The following KCNT2 variants were observed in gnomAD, a reference collection of about 807,000 sequenced individuals.
KCNT2 encodes the protein potassium sodium-activated channel subfamily T member 2.
A neutral mutation model predicts 153.8 loss-of-function variants in KCNT2; 67 were observed. That is an observed-to-expected ratio of 0.44 (90% CI 0.36 to 0.53). The LOEUF (loss-of-function observed/expected upper bound fraction) is 0.53, where lower values mean the gene tolerates loss of function less well. Among genes scored for constraint, KCNT2 ranks in the 20% least tolerant of loss-of-function variants. KCNT2 has a pLI of 0.00. For synonymous variants in KCNT2, 500 were observed against 458.8 expected, an observed-to-expected ratio of 1.09 and a Z score of -1.15; for missense variants, 975 against 1,354.8, an observed-to-expected ratio of 0.72 and a Z score of 4.40.
intron 8 of KCNT2, among the ~76,000 whole-genome samples, chr1:196,439,908 A>G (rs756346958): frequency 6.6e-5 from 10 of 151,692 alleles, no homozygotes; most frequent in Non-Finnish European, 1.3e-4. Flanking sequence ...GGTCAAGGGG[A>G]GGGAGCGCAT....
chr1:196,536,817 C>T (rs772060048), intron 1 of KCNT2, among the ~76,000 whole-genome samples: 6 of 152,076 alleles, frequency 3.9e-5, no homozygotes, highest in Admixed American at 2.6e-4. Context: ...TTTCCCAGTC[C>T]GAGGGACTGT....
chr1:196,550,905 T>G (rs941903702), intron 1 of KCNT2, among the ~76,000 whole-genome samples: 2 of 151,834 alleles, frequency 1.3e-5, no homozygotes, highest in Non-Finnish European at 2.9e-5. Flanking sequence ...GAGATTACAT[T>G]CCTGAAAATT....
Position 196,577,679 on chromosome 1 carries a change from G to A in KCNT2, c.95+30536C>T, listed in dbSNP as rs113748835. On this transcript the variant is annotated intron_variant, in intron 1 of 27. Coordinates refer to ENST00000294725, the MANE Select transcript of KCNT2 (RefSeq NM_198503.5). ...CTAACCTAGAAAACCTCAAGATTCC[G>A]AGAGCACTGGTTAGAGTCCTCACAA... is the stretch of plus-strand genomic sequence containing the variant. Among the ~76,000 whole-genome samples the A allele has an allele frequency of 7.1e-3, 1,083 of 152,206 alleles. 11 individuals carry two copies. Among genetic ancestry groups the A allele is most frequent in the African/African-American group, 0.023 (940 of 41,518 alleles).
intron 25 of KCNT2, among the ~76,000 whole-genome samples, chr1:196,271,534 T>C (rs992840357): frequency 3.3e-5 from 5 of 152,122 alleles, no homozygotes; most frequent in Non-Finnish European, 7.4e-5. Context: ...GAAACTCTTA[T>C]TAAGTTAAAG....
intron 13 of KCNT2, among the ~76,000 whole-genome samples, chr1:196,374,611 C>T (rs891435922): frequency 4.6e-5 from 7 of 151,580 alleles, no homozygotes; most frequent in Admixed American, 1.3e-4. Context: ...TATTGCTTTG[C>T]AGGAAAGGCA....
At chr1:196,249,846 A>G (rs532826960) in intron 26 of KCNT2, among the ~76,000 whole-genome samples, 8 of 152,208 alleles carry the variant, frequency 5.3e-5, no homozygotes, top group African/African-American at 1.9e-4. Flanking sequence ...AGGTAATCCC[A>G]TTTACAATAG....
chr1:196,544,834 C>A (rs1198394676), intron 1 of KCNT2, among the ~76,000 whole-genome samples: 1 of 152,068 alleles, frequency 6.6e-6, no homozygotes, highest in East Asian at 1.9e-4. Context: ...TATACATGAT[C>A]ACATTTGTTT....
rs1011760052 is a variant in KCNT2, at chr1:196,230,386, TA to T, written c.3297-2052del. Among the ~76,000 whole-genome samples the T allele has an allele frequency of 1.9e-3, 287 of 151,802 alleles. 1 individual carries two copies. Among genetic ancestry groups the T allele is most frequent in the African/African-American group, 6.7e-3 (276 of 41,460 alleles). Reference sequence around the variant, plus strand: ...AGGCCCATTGTTGAGACTTAACACTTAAAAAAAAGACTTCAAAATATCACTG... The same window carrying T: ...AGGCCCATTGTTGAGACTTAACACTTAAAAAAAGACTTCAAAATATCACTG... On this transcript the variant is annotated intron_variant, in intron 27 of 27. Transcript: ENST00000294725.
At chr1:196,595,416 A>T (rs1048262313) in intron 1 of KCNT2, among the ~76,000 whole-genome samples, 18 of 152,196 alleles carry the variant, frequency 1.2e-4, no homozygotes, top group Admixed American at 1.1e-3. Context: ...TACAATAGTC[A>T]TGTGCTTTAT....
At chr1:196,342,261 C>G (rs559729964) in intron 14 of KCNT2, 33 bp from the exon 15 acceptor site, 3 of 1,562,940 alleles carry the variant, frequency 1.9e-6, no homozygotes, top group Non-Finnish European at 2.6e-6. Flanking sequence ...TACACACACA[C>G]AAAAAGAAAA....
At chr1:196,246,155 T>G (rs1219201176) in intron 26 of KCNT2, among the ~76,000 whole-genome samples, 1 of 152,146 alleles carries the variant, frequency 6.6e-6, no homozygotes, top group East Asian at 1.9e-4. Flanking sequence ...GACTTCTCAG[T>G]GGAAACCTTA....
chr1:196,252,592 C>G (rs1656074897), intron 26 of KCNT2, among the ~76,000 whole-genome samples: 1 of 151,586 alleles, frequency 6.6e-6, no homozygotes, highest in Admixed American at 6.6e-5. Flanking sequence ...GTACTAAAAA[C>G]CACACAATGT....
chr1:196,518,319 C>T (rs138500192), intron 1 of KCNT2, among the ~76,000 whole-genome samples: 10 of 152,014 alleles, frequency 6.6e-5, no homozygotes, highest in Admixed American at 1.3e-4. Flanking sequence ...AAGCTAAGTA[C>T]GTAGACCAGT....
intron 10 of KCNT2, among the ~76,000 whole-genome samples, 189 bp from the exon 11 acceptor site, chr1:196,426,177 A>G (rs2148530858): frequency 6.6e-6 from 1 of 152,150 alleles, no homozygotes; most frequent in East Asian, 1.9e-4. Flanking sequence ...TACAACTGGG[A>G]CATACACAAA....
chr1:196,465,512 A>G, intron 7 of KCNT2, 125 bp from the exon 8 acceptor site: 1 of 627,384 alleles, frequency 1.6e-6, no homozygotes, highest in Non-Finnish European at 2.8e-6. Context: ...ATGTAAATAC[A>G]TGTATTTCAA....
At chr1:196,349,761 G>A (rs1240311854) in intron 14 of KCNT2, among the ~76,000 whole-genome samples, 2 of 151,242 alleles carry the variant, frequency 1.3e-5, no homozygotes, top group African/African-American at 2.4e-5. Context: ...CAATGTGCAC[G>A]TTAGTTACAT....
At chr1:196,467,162 T>C (rs1024046921) in intron 7 of KCNT2, among the ~76,000 whole-genome samples, 8 of 152,070 alleles carry the variant, frequency 5.3e-5, no homozygotes, top group Non-Finnish European at 8.8e-5. Flanking sequence ...AGTCCCATTA[T>C]GCATCAACAA....
chr1:196,355,976 G>T (rs774319809), intron 14 of KCNT2, among the ~76,000 whole-genome samples: 12 of 151,614 alleles, frequency 7.9e-5, no homozygotes, highest in Non-Finnish European at 1.5e-4. Context: ...ATATTACATT[G>T]CTATATCTGT....
chr1:196,333,094 G>GTTTT (rs199829441), intron 17 of KCNT2, among the ~76,000 whole-genome samples: 2 of 141,730 alleles, frequency 1.4e-5, no homozygotes, highest in Non-Finnish European at 3.1e-5. Context: ...CCAGCTGCAA[G>GTTTT]TTTTTTTTTT....
Sources: gnomAD v4.1 joint callset for allele counts (sites outside exome capture counted in the v4.1 genomes callset) on GRCh38, gnomAD v4.1.1 for gene constraint, MANE v1.5 for transcripts, NCBI Gene and HGNC (gene_info 2026-07-23, HGNC 2026-07-21) for gene names.